TBC1D5: variants seen among roughly 807,000 people sequenced by gnomAD.
TBC1D5 encodes TBC1 domain family member 5, also known as TBC1 domain family, member 5.
In TBC1D5, 75 loss-of-function variants were observed where a neutral mutation model predicts 100.3. The observed-to-expected ratio is 0.75, with a 90% CI of 0.62 to 0.91. The LOEUF is 0.91. TBC1D5 is among the 40% of genes least tolerant of loss of function. The probability of loss-of-function intolerance (pLI) is 0.00; values close to 1 mark genes in which losing one functional copy is unlikely to be tolerated. For missense variants in TBC1D5, 910 were observed against 942.4 expected, an observed-to-expected ratio of 0.97 and a Z score of 0.45; for synonymous variants, 323 against 325.6, an observed-to-expected ratio of 0.99 and a Z score of 0.09.
At chr3:17,516,195 C>A (rs1217386783) in intron 2 of TBC1D5, among the ~76,000 whole-genome samples, 2 of 152,164 alleles carry the variant, frequency 1.3e-5, no homozygotes, top group African/African-American at 4.8e-5. Flanking sequence ...GGACCAGCAC[C>A]AGAAGTAATT....
At chr3:17,534,665 G>T (rs565064796) in intron 2 of TBC1D5, among the ~76,000 whole-genome samples, 3 of 152,262 alleles carry the variant, frequency 2.0e-5, no homozygotes, top group South Asian at 2.1e-4. Context: ...TGTTACAAGT[G>T]TAAGAATCCA....
intron 2 of TBC1D5, among the ~76,000 whole-genome samples, chr3:17,562,746 A>G (rs1442711495): frequency 6.6e-6 from 1 of 152,372 alleles, no homozygotes; most frequent in East Asian, 1.9e-4. Context: ...CAAGATGCAC[A>G]ACATATTCCT....
At chr3:17,711,539 A>G (rs2074734330) in intron 1 of TBC1D5, among the ~76,000 whole-genome samples, 1 of 152,138 alleles carries the variant, frequency 6.6e-6, no homozygotes, top group Non-Finnish European at 1.5e-5. Context: ...TTTACTCTAT[A>G]TTTATGAACA....
chr3:17,675,282 TTC>T (rs1278083320), intron 1 of TBC1D5, among the ~76,000 whole-genome samples: 5 of 152,128 alleles, frequency 3.3e-5, no homozygotes, highest in Admixed American at 1.3e-4. Context: ...TATCAATCCT[TTC>T]TGTCTTTATA....
chr3:17,550,631 A>C (rs1295327260), intron 2 of TBC1D5, among the ~76,000 whole-genome samples: 2 of 152,174 alleles, frequency 1.3e-5, no homozygotes, highest in Admixed American at 1.3e-4. Context: ...TACAATGCTT[A>C]CTGCATGGCC....
At chr3:17,209,553 G>A (rs1180815263) in intron 18 of TBC1D5, among the ~76,000 whole-genome samples, 1 of 152,306 alleles carries the variant, frequency 6.6e-6, no homozygotes, top group East Asian at 1.9e-4. Flanking sequence ...CTTCATGCAA[G>A]CACATAGTTC....
intron 2 of TBC1D5, among the ~76,000 whole-genome samples, chr3:17,525,448 A>C (rs181826460): frequency 7.2e-5 from 11 of 152,294 alleles, no homozygotes; most frequent in African/African-American, 1.9e-4. Flanking sequence ...TATCTTTTAA[A>C]AATATTTAAT....
intron 15 of TBC1D5, among the ~76,000 whole-genome samples, chr3:17,272,930 A>G (rs2079576445): frequency 6.6e-6 from 1 of 152,218 alleles, no homozygotes; most frequent in South Asian, 2.1e-4. Flanking sequence ...TGTAATCAAC[A>G]GCACTATGTT....
At chr3:17,663,143 T>G (rs1171370657) in intron 1 of TBC1D5, 1 of 152,160 alleles carries the variant, frequency 6.6e-6, no homozygotes, top group East Asian at 1.9e-4. Flanking sequence ...ATACAGAATA[T>G]AAGCCCCAAA....
intron 17 of TBC1D5, among the ~76,000 whole-genome samples, chr3:17,227,889 T>C (rs2075064833): frequency 6.6e-6 from 1 of 150,704 alleles, no homozygotes; most frequent in African/African-American, 2.4e-5. Flanking sequence ...ACTAAGTTGC[T>C]GGTACCCTAA....
At chr3:17,495,306 A>G (rs888745175) in intron 3 of TBC1D5, among the ~76,000 whole-genome samples, 26 of 152,202 alleles carry the variant, frequency 1.7e-4, no homozygotes, top group Non-Finnish European at 1.5e-5. Context: ...TATTTTATGA[A>G]CCTTTGTCAT....
chr3:17,654,783 C>G (rs1340223525), intron 1 of TBC1D5, among the ~76,000 whole-genome samples: 1 of 152,114 alleles, frequency 6.6e-6, no homozygotes, highest in Non-Finnish European at 1.5e-5. Context: ...GTGAATCCAT[C>G]TGGTCCTGGA....
chr3:17,241,600 G>A (rs1049755982), intron 16 of TBC1D5, among the ~76,000 whole-genome samples: 1 of 152,196 alleles, frequency 6.6e-6, no homozygotes, highest in Non-Finnish European at 1.5e-5. Context: ...AACAAGTTAA[G>A]TCAGTACCAA....
At chr3:17,715,202 C>T (rs1436377834) in intron 1 of TBC1D5, among the ~76,000 whole-genome samples, 1 of 152,190 alleles carries the variant, frequency 6.6e-6, no homozygotes. Flanking sequence ...GAATACTGGG[C>T]ATTGATCTCA....
intron 1 of TBC1D5, among the ~76,000 whole-genome samples, chr3:17,697,286 A>T (rs2072280858): frequency 6.6e-6 from 1 of 152,234 alleles, no homozygotes; most frequent in African/African-American, 2.4e-5. Context: ...AATAAAAGGT[A>T]TTTAATTAGG....
At chr3:17,356,809 T>A (rs528157802) in intron 13 of TBC1D5, among the ~76,000 whole-genome samples, 1 of 152,112 alleles carries the variant, frequency 6.6e-6, no homozygotes, top group Non-Finnish European at 1.5e-5. Flanking sequence ...GAAATGCAGA[T>A]CCTGGGTGTG....
chr3:17,637,216 T>C (rs1437344099), intron 1 of TBC1D5, among the ~76,000 whole-genome samples: 1 of 142,718 alleles, frequency 7.0e-6, no homozygotes. Flanking sequence ...TTTTTTTTTT[T>C]TTTATTTAGT....
At chr3:17,299,268 A>G (rs2082576701) in intron 14 of TBC1D5, among the ~76,000 whole-genome samples, 1 of 152,176 alleles carries the variant, frequency 6.6e-6, no homozygotes, top group Non-Finnish European at 1.5e-5. Flanking sequence ...GGCAGAACAG[A>G]GTGGGGTGGC....
In TBC1D5 at chr3:17,406,730, T is replaced by C. The variant is rs1043910101; in HGVS notation, c.168-204A>G. The stretch of plus-strand genomic sequence containing the variant: ...GATTTAATGAATATGTAGATAGCTA[T>C]AATTACGCCAGCTACTGAAATTCAT... On this transcript the variant is annotated intron_variant, in intron 4 of 21. Transcript: ENST00000253692. 3 of 515,768 alleles carry C rather than the reference T, an allele frequency of 5.8e-6. No homozygotes were observed. The African/African-American group carries it at 5.9e-5, about 10-fold the overall frequency. The allele number at this position is 515,768 out of a possible 1,614,324, so 31.9% of individuals were successfully genotyped here. A position where few individuals can be genotyped will look rare whatever the true frequency, so the allele number is the denominator to read the frequency against.
Sources: gnomAD v4.1 joint callset for allele counts (sites outside exome capture counted in the v4.1 genomes callset) on GRCh38, gnomAD v4.1.1 for gene constraint, MANE v1.5 for transcripts, NCBI Gene and HGNC (gene_info 2026-07-23, HGNC 2026-07-21) for gene names.